TLE3: variants seen among roughly 807,000 people sequenced by gnomAD.
The protein encoded by TLE3 is TLE family member 3, transcriptional corepressor.
A neutral mutation model predicts 93.0 loss-of-function variants in TLE3; 14 were observed. The observed-to-expected ratio is 0.15, with a 90% CI of 0.10 to 0.24. TLE3 has a LOEUF of 0.24. Among genes scored for constraint, TLE3 ranks in the 10% least tolerant of loss-of-function variants. The pLI is 1.00. For synonymous variants in TLE3, 451 were observed against 425.0 expected (o/e 1.06, Z -0.75); for missense variants, 693 against 1,046.6 (o/e 0.66, Z 4.66).
In TLE3 at chr15:70,064,579, C is replaced by T. The variant is rs1039104836; in HGVS notation, c.578-109G>A. ...AAGTCCAGCTGGCTTTTGTGATTTGCTAGTGCACTGGTTTTAAAATGAGCA... is the reference window on the plus strand; with the variant it reads ...AAGTCCAGCTGGCTTTTGTGATTTGTTAGTGCACTGGTTTTAAAATGAGCA... On this transcript the variant is annotated intron_variant, in intron 7 of 19. Transcript: ENST00000451782. 3.4e-6 allele frequency: 5 copies of T among 1,454,624 alleles called. No individual in the cohort carries two copies. In the Admixed American group the frequency reaches 5.7e-5, roughly 17 times the overall value. The allele number at this position is 1,454,624 out of a possible 1,614,324, so 90.1% of individuals were successfully genotyped here. A position where few individuals can be genotyped will look rare whatever the true frequency, so the allele number is the denominator to read the frequency against.
At chr15:70,089,184 C>T (rs1361664186) in intron 4 of TLE3, among the ~76,000 whole-genome samples, 1 of 152,224 alleles carries the variant, frequency 6.6e-6, no homozygotes, top group Non-Finnish European at 1.5e-5. Flanking sequence ...CCCTTTCAGA[C>T]TCGCGCCAAG....
At chr15:70,094,492 TA>T in intron 4 of TLE3, 39 bp downstream of exon 4, 3 of 1,482,508 alleles carry the variant, frequency 2.0e-6, no homozygotes, top group Non-Finnish European at 2.7e-6. Flanking sequence ...TATAAGTTTT[TA>T]AAAAATGAAA....
At chr15:70,051,515 C>G (rs2055539599) in intron 18 of TLE3, 48 bp from the exon 19 acceptor site, 2 of 1,538,630 alleles carry the variant, frequency 1.3e-6, no homozygotes, top group Admixed American at 1.9e-5. Context: ...TCACTGCCCT[C>G]TAAAGCAAGA....
At chr15:70,068,444 G>A (rs2056951815) in intron 6 of TLE3, among the ~76,000 whole-genome samples, 1 of 152,190 alleles carries the variant, frequency 6.6e-6, no homozygotes, top group Admixed American at 6.5e-5. Flanking sequence ...GTCTCCAGTA[G>A]GGCCCCTTTG....
chr15:70,066,466 C>T (rs2056824885), intron 6 of TLE3, among the ~76,000 whole-genome samples: 1 of 151,730 alleles, frequency 6.6e-6, no homozygotes, highest in Non-Finnish European at 1.5e-5. Flanking sequence ...CTCCCTGCAC[C>T]CCCGTTTCAC....
rs369221657 is a variant in TLE3, at chr15:70,096,846, G to A, written c.-48C>T. The A allele has an allele frequency of 1.0e-4, 161 of 1,603,044 alleles. No homozygotes were observed. Among genetic ancestry groups the A allele is most frequent in the Middle Eastern group, 4.1e-4 (2 of 4,836 alleles). On this transcript the variant is annotated 5_prime_UTR_variant, in exon 1 of 20. Transcript: ENST00000451782. ...GAGAGCGTGGAAGCGCCGAGAGCCC[G>A]GGCCGGGGAGGTGCGGGGGAGGGGG...
chr15:70,057,842 G>A, intron 12 of TLE3, 184 bp from the exon 13 acceptor site: 2 of 777,244 alleles, frequency 2.6e-6, no homozygotes, highest in Non-Finnish European at 2.0e-6. Context: ...CTTGGCAGAT[G>A]CACCCACCTC....
intron 8 of TLE3, among the ~76,000 whole-genome samples, chr15:70,063,173 A>C (rs2056601689): frequency 6.6e-6 from 1 of 152,210 alleles, no homozygotes; most frequent in Non-Finnish European, 1.5e-5. Context: ...CATGGTATGG[A>C]TAAGGAAACT....
At chr15:70,077,406 A>T (rs2057499580) in intron 4 of TLE3, among the ~76,000 whole-genome samples, 1 of 152,220 alleles carries the variant, frequency 6.6e-6, no homozygotes, top group Admixed American at 6.5e-5. Context: ...AACCATGACA[A>T]CAGCCTTTAA....
chr15:70,053,603 A>AG (rs2055745992), intron 16 of TLE3: 2 of 391,294 alleles, frequency 5.1e-6, no homozygotes, highest in Non-Finnish European at 8.9e-6. Context: ...CCCCTGGGAA[A>AG]TGGGGGGGGG....
intron 15 of TLE3, 96 bp downstream of exon 15, chr15:70,054,953 G>A (rs1166874201): frequency 7.5e-6 from 11 of 1,463,826 alleles, no homozygotes; most frequent in East Asian, 2.5e-5. Context: ...CAGCCAATAC[G>A]ATGCTGAGCC....
intron 4 of TLE3, among the ~76,000 whole-genome samples, chr15:70,082,256 TC>T (rs2057813959): frequency 6.6e-6 from 1 of 152,048 alleles, no homozygotes; most frequent in South Asian, 2.1e-4. Context: ...AGGTAGTTTC[TC>T]CTTAGGCCGA....
intron 7 of TLE3, 45 bp downstream of exon 7, chr15:70,065,969 G>GGCCAC: frequency 1.5e-6 from 2 of 1,294,406 alleles, no homozygotes; most frequent in Non-Finnish European, 2.2e-6. Context: ...GAGCGCCCAT[G>GGCCAC]CCCACCCCTG....
At chr15:70,078,296 T>G (rs1386649642) in intron 4 of TLE3, among the ~76,000 whole-genome samples, 1 of 152,206 alleles carries the variant, frequency 6.6e-6, no homozygotes, top group African/African-American at 2.4e-5. Flanking sequence ...GAAACAAGCA[T>G]AGGCTGCAGC....
Position 70,096,821 on chromosome 15 carries a change from G to A in TLE3, c.-23C>T. On this transcript the variant is annotated 5_prime_UTR_variant, in exon 1 of 20. Coordinates refer to ENST00000451782, the MANE Select transcript of TLE3 (RefSeq NM_001105192.3). ...CATGGCAGGGAGGGGTCGTGATTCC[G>A]AGAGCGTGGAAGCGCCGAGAGCCCG... The A allele has an allele frequency of 6.2e-7, 1 of 1,609,890 alleles. No individual in the cohort carries two copies. The highest frequency in any genetic ancestry group is 8.5e-7 in the Non-Finnish European group (1 of 1,178,800).
chr15:70,058,391 G>A lies in TLE3; in HGVS notation c.919-100C>T. ...GGTCCCAACGTGAAGCCCAGAGCCA[G>A]ACCCTTATGAAGCTTCTGCCGAACA... is the stretch of plus-strand genomic sequence containing the variant. On this transcript the variant is annotated intron_variant, in intron 11 of 19. Transcript: ENST00000451782. The surrounding 1 kb of genome is among the most constrained non-coding windows in gnomAD (Gnocchi z 4.1). The A allele has an allele frequency of 6.6e-7, 1 of 1,505,788 alleles. No homozygotes were observed. Among genetic ancestry groups the A allele is most frequent in the Admixed American group, 2.2e-5 (1 of 45,402 alleles). 93.3% of individuals were successfully genotyped at this position (1,505,788 alleles called of 1,614,324 possible). A position where few individuals can be genotyped will look rare whatever the true frequency, so the allele number is the denominator to read the frequency against.
intron 6 of TLE3, among the ~76,000 whole-genome samples, chr15:70,071,556 G>C (rs2057162295): frequency 6.6e-6 from 1 of 152,148 alleles, no homozygotes; most frequent in South Asian, 2.1e-4. Flanking sequence ...ATTTCTCTTT[G>C]AGTTGAGTTG....
intron 19 of TLE3, chr15:70,051,157 C>T: frequency 2.5e-6 from 1 of 399,074 alleles, no homozygotes. Flanking sequence ...AGCCCTTGCC[C>T]TCGGGGGTCA....
chr15:70,072,658 C>G (rs1424437682), intron 6 of TLE3, among the ~76,000 whole-genome samples: 1 of 152,206 alleles, frequency 6.6e-6, no homozygotes, highest in South Asian at 2.1e-4. Context: ...ATAATCACTT[C>G]CCCTCTCTGT....
Sources: allele counts gnomAD v4.1 joint callset (sites outside exome capture counted in the v4.1 genomes callset), GRCh38; gene constraint gnomAD v4.1.1; non-coding constraint Gnocchi (gnomAD v3.1); transcripts MANE v1.5; gene names NCBI Gene and HGNC (gene_info 2026-07-23, HGNC 2026-07-21).